Variants in AHNAK observed in about 807,000 individuals in gnomAD.
AHNAK encodes neuroblast differentiation-associated protein AHNAK.
A neutral mutation model predicts 37.8 loss-of-function variants in AHNAK; 23 were observed. The observed-to-expected ratio is 0.61, with a 90% CI of 0.44 to 0.86. AHNAK has a LOEUF of 0.86. Among genes scored for constraint, AHNAK ranks in the 40% least tolerant of loss-of-function variants. The pLI is 0.00. For missense variants in AHNAK, 7,411 were observed against 7,319.4 expected (o/e 1.01, Z -0.46); for synonymous variants, 2,481 against 2,636.3 (o/e 0.94, Z 1.80).
chr11:62,515,632 A>G (rs1159228042), downstream of AHNAK, among the ~76,000 whole-genome samples: 2 of 152,254 alleles, frequency 1.3e-5, no homozygotes, highest in Non-Finnish European at 2.9e-5. Flanking sequence ...ACCAATTCTG[A>G]ATTGTATATT....
At chr11:62,458,662 T>C (rs1398582527) in intron 5 of AHNAK, among the ~76,000 whole-genome samples, 1 of 152,186 alleles carries the variant, frequency 6.6e-6, no homozygotes, top group Non-Finnish European at 1.5e-5. Flanking sequence ...ACCTGGCTTC[T>C]TCTGCCTGTG....
intron 4 of AHNAK, among the ~76,000 whole-genome samples, chr11:62,501,509 G>A (rs1245274345): frequency 1.3e-5 from 2 of 152,214 alleles, no homozygotes; most frequent in Admixed American, 1.3e-4. Context: ...GGAGGTTGCA[G>A]TGAGCCGAGA....
chr11:62,492,035 A>G (rs571826053), intron 4 of AHNAK, among the ~76,000 whole-genome samples: 2 of 152,164 alleles, frequency 1.3e-5, no homozygotes, highest in Non-Finnish European at 2.9e-5. Flanking sequence ...TCTTTAGAAG[A>G]CAACTGGCCT....
In AHNAK at chr11:62,534,115, G is replaced by C; in HGVS notation, c.343-41C>G. 6 of 1,505,654 alleles carry C rather than the reference G, an allele frequency of 4.0e-6. No homozygotes were observed. In the South Asian group the frequency reaches 6.7e-5, roughly 17 times the overall value. The allele number at this position is 1,505,654 out of a possible 1,614,324, so 93.3% of individuals were successfully genotyped here. On this transcript the variant is annotated intron_variant, in intron 4 of 4. Transcript: ENST00000378024. ...CCGGGCAGAGGTTGCAGCAGAGTCT[G>C]CCTGAGTTAGCAGATGCCCGGCCAC...
intron 5 of AHNAK, among the ~76,000 whole-genome samples, chr11:62,448,227 G>A (rs146917452): frequency 7.2e-5 from 11 of 152,304 alleles, no homozygotes; most frequent in Admixed American, 1.3e-4. Flanking sequence ...GTAGAACCTT[G>A]TAAGCCACAG....
At position 62,531,733 on chromosome 11, in the gene AHNAK, G is replaced by C. The variant is rs748413207; in HGVS notation, c.2684C>G (p.Pro895Arg). The part of the protein sequence containing the change: ...FSMPGFKAEG[P>R]EVDVNLPKAD... ...CTTGGGCAGGTTCACATCCACTTCT[G>C]GGCCCTCTGCTTTGAAGCCAGGCAT... Residue 895 changes from proline to arginine, a missense_variant, in exon 5 of 5, where the codon CCA becomes CGA. Physicochemically the swap from Pro to Arg is moderately radical, Grantham distance 103. Transcript: ENST00000378024. 5 of 1,613,952 alleles carry C rather than the reference G, an allele frequency of 3.1e-6. No individual in the cohort carries two copies. The Admixed American group carries it at 8.3e-5, about 27-fold the overall frequency.
chr11:62,485,263 A>G (rs1939366854), intron 5 of AHNAK, among the ~76,000 whole-genome samples: 1 of 152,128 alleles, frequency 6.6e-6, no homozygotes. Flanking sequence ...TTAGTCAGGC[A>G]TGGTGATGCA....
chr11:62,533,919 G>A lies in AHNAK; in HGVS notation c.498C>T (p.Gly166=). 6.2e-7 allele frequency: 1 copy of A among 1,614,174 alleles called. No homozygotes were observed. The highest frequency in any genetic ancestry group is 8.5e-7 in the Non-Finnish European group (1 of 1,180,042). ...RVTAYTVDVT[G]REGAKDIDIS... Reference sequence around the variant, plus strand: ...TGTCTATGTCCTTGGCTCCTTCCCGGCCAGTCACATCCACAGTGTAGGCCG... The same window carrying A: ...TGTCTATGTCCTTGGCTCCTTCCCGACCAGTCACATCCACAGTGTAGGCCG... Residue 166 remains glycine, a synonymous_variant, in exon 5 of 5, where the codon GGC becomes GGT. Coordinates refer to ENST00000378024, the MANE Select transcript of AHNAK (RefSeq NM_001620.3).
rs571922227 is a variant in AHNAK, at chr11:62,498,200, G to A, written c.343-6369C>T. ...GTTTTGTTGTTGTGGTTGTTGTGTC[G>A]TTGCTAACCCACAAAACTCTAGGCT... On this transcript the variant is annotated intron_variant, in intron 4 of 5. Coordinates refer to the AHNAK transcript ENST00000257247. Among the ~76,000 whole-genome samples, 14 of 152,106 alleles carry A rather than the reference G, an allele frequency of 9.2e-5. No individual in the cohort carries two copies. In the South Asian group the frequency reaches 1.5e-3, roughly 16 times the overall value.
Position 62,523,811 on chromosome 11 carries a change from T to C in AHNAK, c.10606A>G (p.Met3536Val). 2 of 1,614,214 alleles carry C rather than the reference T, an allele frequency of 1.2e-6. No individual in the cohort carries two copies. Among genetic ancestry groups the C allele is most frequent in the Non-Finnish European group, 1.7e-6 (2 of 1,180,044 alleles). The stretch of plus-strand genomic sequence containing the variant: ...GAGATCTTGGGAGCTTTGATATTCA[T>C]GTCAGGCATCTTGAATTTGGGACCT... ...LKGPKFKMPDMNIKAPKISMP... is the reference protein window; with the variant it reads ...LKGPKFKMPDVNIKAPKISMP... Residue 3536 changes from methionine (M) to valine (V), a missense_variant, in exon 5 of 5, where the codon ATG becomes GTG. By Grantham distance (21) the Met-to-Val change is conservative (BLOSUM62 1). Transcript: ENST00000378024.
chr11:62,463,930 AT>A (rs35068211), intron 5 of AHNAK, among the ~76,000 whole-genome samples: 42,771 of 146,244 alleles, frequency 0.29, 7,705 homozygotes, highest in Non-Finnish European at 0.41. Context: ...CGCCCGGCTA[AT>A]TTTTTTTTTT....
intron 4 of AHNAK, among the ~76,000 whole-genome samples, chr11:62,497,284 A>G (rs1318285098): frequency 1.3e-5 from 2 of 152,316 alleles, no homozygotes; most frequent in South Asian, 2.1e-4. Flanking sequence ...TCGTCATTCC[A>G]GGACATGACC....
intron 1 of AHNAK, among the ~76,000 whole-genome samples, chr11:62,538,371 G>A (rs1941020105): frequency 6.6e-6 from 1 of 152,186 alleles, no homozygotes; most frequent in African/African-American, 2.4e-5. Flanking sequence ...CACAAGGTGA[G>A]CTGTCATCTG....
chr11:62,524,581 G>T lies in AHNAK; in HGVS notation c.9836C>A (p.Pro3279Gln), dbSNP rs746983608. ...IHGPDAKLKG[P>Q]KLKMPDMHVN... ...ATGCATGTCAGGCATCTTCAGTTTT[G>T]GACCTTTTAATTTGGCATCTGGGCC... Residue 3279 changes from proline to glutamine, a missense_variant, in exon 5 of 5, where the codon CCA (proline) becomes CAA (glutamine). Pro to Gln is a moderately conservative substitution (Grantham distance 76). Coordinates refer to ENST00000378024, the MANE Select transcript of AHNAK (RefSeq NM_001620.3). The T allele has an allele frequency of 5.6e-5, 90 of 1,613,774 alleles. 2 individuals are homozygous for T. Among genetic ancestry groups the T allele is most frequent in the South Asian group, 4.9e-4 (45 of 90,996 alleles).
chr11:62,533,892 GATGTCT>G lies in AHNAK; in HGVS notation c.519_524del (p.Asp174_Ile175del). The G allele has an allele frequency of 6.2e-7, 1 of 1,614,200 alleles. No individual in the cohort carries two copies. The highest frequency in any genetic ancestry group is 8.5e-7 in the Non-Finnish European group (1 of 1,180,040). Reference sequence around the variant, plus strand: ...TCTTGATCTTGAATTCAGGGCTACTGATGTCTATGTCCTTGGCTCCTTCCCGGCCAG... The same window carrying G: ...TCTTGATCTTGAATTCAGGGCTACTGATGTCCTTGGCTCCTTCCCGGCCAG... On this transcript the variant is annotated inframe_deletion, in exon 5 of 5. Coordinates refer to ENST00000378024, the MANE Select transcript of AHNAK (RefSeq NM_001620.3).
At chr11:62,465,329 C>T (rs910754528) in intron 5 of AHNAK, among the ~76,000 whole-genome samples, 6 of 152,014 alleles carry the variant, frequency 3.9e-5, no homozygotes, top group Admixed American at 2.6e-4. Flanking sequence ...TTTTACCGTG[C>T]GGTCGCTGGG....
chr11:62,441,847 A>T (rs1198308968), intron 5 of AHNAK, among the ~76,000 whole-genome samples: 1 of 152,126 alleles, frequency 6.6e-6, no homozygotes, highest in Non-Finnish European at 1.5e-5. Flanking sequence ...CCAGGAGCTC[A>T]GTTCACCCTC....
At chr11:62,511,085 G>T (rs1048219411), downstream of AHNAK, among the ~76,000 whole-genome samples, 6 of 152,002 alleles carry the variant, frequency 3.9e-5, no homozygotes, top group African/African-American at 1.5e-4. Context: ...TTTGCTTTGG[G>T]GTGCTGGAGA....
chr11:62,451,125 G>A (rs1334556918), intron 5 of AHNAK, among the ~76,000 whole-genome samples: 1 of 149,982 alleles, frequency 6.7e-6, no homozygotes, highest in African/African-American at 2.4e-5. Context: ...CTGTCACTCA[G>A]GCTAGAGTGC....
Sources: gnomAD v4.1 joint callset for allele counts (sites outside exome capture counted in the v4.1 genomes callset) on GRCh38, gnomAD v4.1.1 for gene constraint, MANE v1.5 for transcripts, NCBI Gene and HGNC (gene_info 2026-07-23, HGNC 2026-07-21) for gene names.